The following NEDD1 variants were observed in gnomAD, a reference collection of about 807,000 sequenced individuals.
NEDD1 encodes NEDD1 gamma-tubulin ring complex targeting factor.
NEDD1 carries 33 observed loss-of-function variants against 74.0 expected under a neutral mutation model. The observed-to-expected ratio is 0.45, with a 90% CI of 0.34 to 0.60. NEDD1 has a LOEUF of 0.60. Among genes scored for constraint, NEDD1 ranks in the 20% least tolerant of loss-of-function variants. The probability of loss-of-function intolerance (pLI) is 0.01; values close to 1 mark genes in which losing one functional copy is unlikely to be tolerated. For missense variants in NEDD1, 746 were observed against 776.5 expected (o/e 0.96, Z 0.47); for synonymous variants, 250 against 264.4 (o/e 0.95, Z 0.53).
At chr12:96,947,114 T>C (rs1878270610) in intron 14 of NEDD1, among the ~76,000 whole-genome samples, 1 of 152,228 alleles carries the variant, frequency 6.6e-6, no homozygotes, top group Non-Finnish European at 1.5e-5. Flanking sequence ...ATTGTTTTTG[T>C]TGTGCTCTGG....
At chr12:96,930,193 ACACACACACACACACACACTCTCT>A (rs1205454884) in intron 6 of NEDD1, among the ~76,000 whole-genome samples, 92 of 73,866 alleles carry the variant, frequency 1.2e-3, no homozygotes, top group African/African-American at 4.8e-3. Flanking sequence ...ACACACACAC[ACACACACACACACACACACTCTCT>A]CTCTCTCTCT....
intron 11 of NEDD1, 149 bp from the exon 12 acceptor site, chr12:96,943,411 A>G (rs557139867): frequency 9.9e-6 from 6 of 605,300 alleles, no homozygotes; most frequent in South Asian, 4.3e-5. Context: ...ATACACATCA[A>G]TTGCGGGGTG....
chr12:96,932,457 A>ATATAT (rs1167914093), intron 6 of NEDD1, among the ~76,000 whole-genome samples: 4 of 12,768 alleles, frequency 3.1e-4, no homozygotes, highest in Non-Finnish European at 5.0e-4. Flanking sequence ...AAAAAAAAAA[A>ATATAT]AAAAAAATAT....
chr12:96,922,173 C>A (rs1023613602), intron 6 of NEDD1, among the ~76,000 whole-genome samples: 22 of 152,240 alleles, frequency 1.4e-4, no homozygotes, highest in African/African-American at 5.1e-4. Flanking sequence ...GAGGTAATCT[C>A]GCTTTCTGCA....
chr12:96,935,885 C>T (rs1877034779), intron 7 of NEDD1, among the ~76,000 whole-genome samples: 2 of 152,170 alleles, frequency 1.3e-5, no homozygotes, highest in African/African-American at 4.8e-5. Context: ...ATGCTTACCA[C>T]TGTCTGTAGA....
At chr12:96,916,056 G>A (rs1378590372) in intron 4 of NEDD1, among the ~76,000 whole-genome samples, 1 of 152,058 alleles carries the variant, frequency 6.6e-6, no homozygotes, top group Non-Finnish European at 1.5e-5. Context: ...CTGTGTAGAA[G>A]CCTTGAGGCA....
At chr12:96,926,628 G>A (rs1285975312) in intron 6 of NEDD1, among the ~76,000 whole-genome samples, 5 of 149,800 alleles carry the variant, frequency 3.3e-5, no homozygotes, top group Admixed American at 6.7e-5. Flanking sequence ...CCAAAGCATC[G>A]AATTGCTACT....
chr12:96,943,415 C>T (rs112564114), intron 11 of NEDD1, 145 bp from the exon 12 acceptor site: 20 of 604,944 alleles, frequency 3.3e-5, no homozygotes, highest in African/African-American at 9.3e-5. Flanking sequence ...ACATCAATTG[C>T]GGGGTGTATC....
intron 14 of NEDD1, among the ~76,000 whole-genome samples, chr12:96,948,036 G>A (rs1878362805): frequency 6.6e-6 from 1 of 151,936 alleles, no homozygotes; most frequent in Non-Finnish European, 1.5e-5. Flanking sequence ...ATCAGACTAG[G>A]TGTTCATCTA....
intron 4 of NEDD1, among the ~76,000 whole-genome samples, chr12:96,915,711 A>T (rs1269594495): frequency 6.6e-6 from 1 of 152,224 alleles, no homozygotes; most frequent in Non-Finnish European, 1.5e-5. Context: ...TACTGATGGC[A>T]CCACCAAATT....
intron 6 of NEDD1, among the ~76,000 whole-genome samples, chr12:96,925,713 A>C (rs1875617399): frequency 6.6e-6 from 1 of 152,124 alleles, no homozygotes; most frequent in Non-Finnish European, 1.5e-5. Flanking sequence ...TTTTGAAAGG[A>C]TTTTCATTGA....
At chr12:96,924,427 T>G (rs1875466747) in intron 6 of NEDD1, among the ~76,000 whole-genome samples, 1 of 152,238 alleles carries the variant, frequency 6.6e-6, no homozygotes, top group Non-Finnish European at 1.5e-5. Context: ...TTAACAATAT[T>G]GATTCTTTCA....
At chr12:96,936,581 T>C in intron 7 of NEDD1, 30 bp from the exon 8 acceptor site, 2 of 1,511,196 alleles carry the variant, frequency 1.3e-6, no homozygotes, top group Non-Finnish European at 1.8e-6. Flanking sequence ...CACTAACATT[T>C]CTACACATAC....
chr12:96,924,091 A>G (rs371252365), intron 6 of NEDD1, among the ~76,000 whole-genome samples: 7 of 152,178 alleles, frequency 4.6e-5, no homozygotes, highest in African/African-American at 1.4e-4. Flanking sequence ...GGTCCTATAG[A>G]TATCTAATTG....
chr12:96,941,082 G>A (rs1877621861), intron 10 of NEDD1, among the ~76,000 whole-genome samples: 1 of 152,030 alleles, frequency 6.6e-6, no homozygotes, highest in African/African-American at 2.4e-5. Flanking sequence ...TTTCTTAGTG[G>A]AATGGAGTTA....
chr12:96,937,650 G>A (rs549964529), intron 9 of NEDD1, among the ~76,000 whole-genome samples: 1 of 152,156 alleles, frequency 6.6e-6, no homozygotes, highest in East Asian at 1.9e-4. Context: ...AAAATGGAAG[G>A]AGGCTAACTC....
chr12:96,917,600 T>C, intron 4 of NEDD1, 21 bp from the exon 5 acceptor site: 2 of 204,944 alleles, frequency 9.8e-6, no homozygotes, highest in Admixed American at 1.7e-4. Flanking sequence ...TAAGGTAACT[T>C]TTTTTTTTTT....
intron 6 of NEDD1, among the ~76,000 whole-genome samples, chr12:96,934,585 T>A (rs1193183387): frequency 2.0e-5 from 3 of 151,896 alleles, no homozygotes; most frequent in Non-Finnish European, 2.9e-5. Context: ...TCGCCCAGGC[T>A]GGAGTACAAT....
At position 96,944,779 on chromosome 12, in the gene NEDD1, T is replaced by C. The variant is rs1565812706; in HGVS notation, c.1638T>C (p.Asn546=). The C allele has an allele frequency of 3.2e-6, 5 of 1,563,564 alleles. No individual in the cohort carries two copies. The highest frequency in any genetic ancestry group is 4.3e-6 in the Non-Finnish European group (5 of 1,160,388). The change falls in exon 13 of 16, where the codon AAT becomes AAC. Residue 546 remains asparagine, a synonymous_variant. Transcript: ENST00000266742. ...AGTTGATATGTGAACCCCCAATCAA[T>C]GGATCCTCAACTCCAAGTAAGTACA... ...EAQLICEPPI[N]GSSTPNPKIA...
Sources: gnomAD v4.1 joint callset for allele counts (sites outside exome capture counted in the v4.1 genomes callset) on GRCh38, gnomAD v4.1.1 for gene constraint, MANE v1.5 for transcripts, NCBI Gene and HGNC (gene_info 2026-07-23, HGNC 2026-07-21) for gene names.